Variants in CCDC183 observed in about 807,000 individuals in gnomAD.
CCDC183 encodes the protein coiled-coil domain-containing protein 183.
In CCDC183, 63 loss-of-function variants were observed where a neutral mutation model predicts 65.2. That is an observed-to-expected ratio of 0.97 (90% confidence interval 0.79 to 1.19). CCDC183 has a LOEUF of 1.19. Ranked by LOEUF, CCDC183 falls within the 50% of genes most tolerant of loss-of-function variation. The pLI, the probability that CCDC183 is intolerant of heterozygous loss-of-function variation, is 0.00. For synonymous variants in CCDC183, 323 were observed against 276.5 expected, an observed-to-expected ratio of 1.17 and a Z score of -1.67; for missense variants, 769 against 689.3, an observed-to-expected ratio of 1.12 and a Z score of -1.30.
rs1359346106 is a variant in CCDC183 at position 136,805,373 on chromosome 9, C to G, written c.864C>G (p.Thr288=). The change falls in exon 9 of 14, where the codon ACC becomes ACG. Residue 288 remains threonine (T), a synonymous_variant. Coordinates refer to ENST00000338005, the MANE Select transcript of CCDC183 (RefSeq NM_001039374.5). ...CTCTGCCAGTGAGGAGAAAAGAGAC[C>G]TCCACAGCAGAAATGGAATACCAGT... The part of the protein sequence containing the change: ...TETLKLRRKE[T]STAEMEYQSG... 2.7e-5 allele frequency: 43 copies of G among 1,613,498 alleles called. No homozygotes were observed. The highest frequency in any genetic ancestry group is 4.0e-5 in the African/African-American group (3 of 74,924).
intron 6 of CCDC183, among the ~76,000 whole-genome samples, chr9:136,803,485 G>A (rs535127418): frequency 4.1e-4 from 62 of 152,262 alleles, no homozygotes; most frequent in African/African-American, 1.2e-3. Context: ...GGGCCAGGGC[G>A]GGGGTCACCT....
chr9:136,797,024 T>C (rs1395681887), intron 1 of CCDC183, among the ~76,000 whole-genome samples: 1 of 152,196 alleles, frequency 6.6e-6, no homozygotes, highest in African/African-American at 2.4e-5. Context: ...ATCTGTCTCC[T>C]GCTCGTCCCT....
intron 1 of CCDC183, 86 bp from the exon 2 acceptor site, chr9:136,799,010 TGGGGCC>T: frequency 1.3e-6 from 2 of 1,559,402 alleles, no homozygotes; most frequent in African/African-American, 1.4e-5. Context: ...CCCTGGGGCC[TGGGGCC>T]TCCCTGATGC....
chr9:136,804,417 A>G lies in CCDC183; in HGVS notation c.667-85A>G. The G allele has an allele frequency of 2.0e-6, 3 of 1,510,446 alleles. No individual in the cohort carries two copies. The highest frequency in any genetic ancestry group is 1.3e-5 in the South Asian group (1 of 79,760). The allele number at this position is 1,510,446 out of a possible 1,614,324, so 93.6% of individuals were successfully genotyped here. A position where few individuals can be genotyped will look rare whatever the true frequency, so the allele number is the denominator to read the frequency against. ...AGTTCCAAAGTCTAGTAAGGTGAGCATGGCCAACCGCCCGCTGGCTTTACT... is the reference window on the plus strand; with the variant it reads ...AGTTCCAAAGTCTAGTAAGGTGAGCGTGGCCAACCGCCCGCTGGCTTTACT... On this transcript the variant is annotated intron_variant, in intron 6 of 13. Coordinates refer to ENST00000338005, the MANE Select transcript of CCDC183 (RefSeq NM_001039374.5). The surrounding 1 kb of genome is among the most constrained non-coding windows in gnomAD (Gnocchi z 4.1).
At chr9:136,798,026 G>C (rs979850807) in intron 1 of CCDC183, among the ~76,000 whole-genome samples, 2 of 152,144 alleles carry the variant, frequency 1.3e-5, no homozygotes, top group African/African-American at 4.8e-5. Flanking sequence ...TTTATTTTGA[G>C]ACGCAGTCTC....
chr9:136,797,146 G>A (rs1847660433), intron 1 of CCDC183, among the ~76,000 whole-genome samples: 1 of 152,130 alleles, frequency 6.6e-6, no homozygotes, highest in Non-Finnish European at 1.5e-5. Context: ...ATACTGCTCT[G>A]TTACTCTTTG....
At position 136,805,308 on chromosome 9, in the gene CCDC183, C is replaced by G. The variant is rs368148146; in HGVS notation, c.848-49C>G. The G allele has an allele frequency of 5.4e-6, 8 of 1,489,446 alleles. No homozygotes were observed. In the Admixed American group the frequency reaches 9.4e-5, roughly 17 times the overall value. The allele number at this position is 1,489,446 out of a possible 1,614,324, so 92.3% of individuals were successfully genotyped here. On this transcript the variant is annotated intron_variant, in intron 8 of 13. Transcript: ENST00000338005. ...GGTGTCTGACAGCCTTACACAGAGC[C>G]CCTGAGCCATCCCTGCATGCTGACT...
In CCDC183 at chr9:136,804,433, T is replaced by A. The variant is rs1847805823; in HGVS notation, c.667-69T>A. 4 of 1,552,872 alleles carry A rather than the reference T, an allele frequency of 2.6e-6. 1 individual carries two copies. The South Asian group carries it at 4.7e-5, about 18-fold the overall frequency. Reference sequence around the variant, plus strand: ...AAGGTGAGCATGGCCAACCGCCCGCTGGCTTTACTGCCATTAGGGGCCTTG... The same window carrying A: ...AAGGTGAGCATGGCCAACCGCCCGCAGGCTTTACTGCCATTAGGGGCCTTG... On this transcript the variant is annotated intron_variant, in intron 6 of 13. Coordinates refer to ENST00000338005, the MANE Select transcript of CCDC183 (RefSeq NM_001039374.5). The surrounding 1 kb of genome is among the most constrained non-coding windows in gnomAD (Gnocchi z 4.1).
At position 136,804,467 on chromosome 9, in the gene CCDC183, G is replaced by A. The variant is rs987115436; in HGVS notation, c.667-35G>A. 9.4e-6 allele frequency: 15 copies of A among 1,600,416 alleles called. No individual in the cohort carries two copies. The highest frequency in any genetic ancestry group is 2.7e-5 in the African/African-American group (2 of 74,614). On this transcript the variant is annotated intron_variant, in intron 6 of 13. Coordinates refer to ENST00000338005, the MANE Select transcript of CCDC183 (RefSeq NM_001039374.5). This position sits in a 1 kb window ranked among gnomAD's most constrained non-coding sequence, Gnocchi z 4.1. ...TGCCATTAGGGGCCTTGTTGAGACA[G>A]CTCCCCAACCCTGTGCCCACCCGCA...
At position 136,805,409 on chromosome 9, in the gene CCDC183, T is replaced by C; in HGVS notation, c.900T>C (p.Thr300=). ...AAATGGAATACCAGTCGGGCGTGAC[T>C]GCTGTGGTGGAGAAGGTCAAGAGTG... ...TAEMEYQSGV[T]AVVEKVKSAV... Residue 300 remains threonine (T), a synonymous_variant, in exon 9 of 14, where the codon ACT becomes ACC. Transcript: ENST00000338005. The C allele has an allele frequency of 6.2e-7, 1 of 1,614,060 alleles. No homozygotes were observed. Among genetic ancestry groups the C allele is most frequent in the Non-Finnish European group, 8.5e-7 (1 of 1,179,978 alleles).
In CCDC183 at chr9:136,800,499, C is replaced by T. The variant is rs201719706; in HGVS notation, c.543+6C>T. The T allele has an allele frequency of 2.7e-4, 427 of 1,595,958 alleles. No individual in the cohort carries two copies. Among genetic ancestry groups the T allele is most frequent in the East Asian group, 1.0e-3 (45 of 44,606 alleles). ...TGCTGGATTATCTGAAGACAGTGAG[C>T]CCAGCGGCCCGGGAAGGGCGGGGGT... is the stretch of plus-strand genomic sequence containing the variant. On this transcript the variant is annotated splice_donor_region_variant and intron_variant, in intron 5 of 13. Transcript: ENST00000338005.
At position 136,799,983 on chromosome 9, in the gene CCDC183, G is replaced by A. The variant is rs767050626; in HGVS notation, c.271-19G>A. ...GCCCCCTACGCAACCACGAGTGGGC[G>A]GTGCCCTTCCCGACCCAGGTGGTGC... is the stretch of plus-strand genomic sequence containing the variant. On this transcript the variant is annotated intron_variant, in intron 3 of 13. Transcript: ENST00000338005. The A allele has an allele frequency of 1.3e-6, 2 of 1,575,358 alleles. No individual in the cohort carries two copies. Among genetic ancestry groups the A allele is most frequent in the African/African-American group, 1.3e-5 (1 of 74,452 alleles).
intron 13 of CCDC183, chr9:136,807,318 G>A: frequency 1.6e-6 from 1 of 644,768 alleles, no homozygotes; most frequent in South Asian, 1.9e-5. Flanking sequence ...CGGAGGAGAG[G>A]CACCAGGGCT....
intron 5 of CCDC183, among the ~76,000 whole-genome samples, chr9:136,801,948 C>T (rs992128570): frequency 2.6e-5 from 4 of 151,902 alleles, no homozygotes; most frequent in Admixed American, 6.6e-5. Flanking sequence ...CTACCACGCC[C>T]GGCTGATTTT....
intron 4 of CCDC183, 88 bp downstream of exon 4, chr9:136,800,257 G>A (rs1847717511): frequency 2.1e-6 from 3 of 1,397,532 alleles, no homozygotes; most frequent in Admixed American, 2.1e-5. Flanking sequence ...CGGGACTTGC[G>A]GGTCCCCTGG....
In CCDC183 at chr9:136,807,631, A is replaced by T; in HGVS notation, c.1546A>T (p.Arg516Trp). 1 of 1,605,472 alleles carries T rather than the reference A, an allele frequency of 6.2e-7. No homozygotes were observed. Reference protein sequence around the residue: ...SYVPSRAEIKRQAQRLIEGKL... With the variant: ...SYVPSRAEIKWQAQRLIEGKL... Reference sequence around the variant, plus strand: ...CGTCCCTTCGCGCGCCGAGATCAAGAGGCAGGCGCAGCGGCTAATCGAGGG... The same window carrying T: ...CGTCCCTTCGCGCGCCGAGATCAAGTGGCAGGCGCAGCGGCTAATCGAGGG... The change falls in exon 14 of 14, where the codon AGG (arginine) becomes TGG (tryptophan). Residue 516 changes from arginine to tryptophan, a missense_variant. By Grantham distance (101) the Arg-to-Trp change is moderately radical. Transcript: ENST00000338005.
intron 1 of CCDC183, among the ~76,000 whole-genome samples, chr9:136,796,873 TC>T (rs1260716011): frequency 6.6e-6 from 1 of 151,964 alleles, no homozygotes; most frequent in South Asian, 2.1e-4. Flanking sequence ...GTCCAAGGTT[TC>T]CCCCCACTGA....
Position 136,804,788 on chromosome 9 carries a change from G to C in CCDC183, c.819G>C (p.Ser273=), listed in dbSNP as rs371973312. ...RRGQMDLDFP[S]NLMSTETLKL... is the part of the protein sequence containing the mutation. The stretch of plus-strand genomic sequence containing the variant: ...GCCAGATGGACTTGGACTTCCCCTC[G>C]AACCTGATGAGCACGGAGACCCTGA... The change falls in exon 8 of 14, where the codon TCG becomes TCC. Residue 273 remains serine, a synonymous_variant. Transcript: ENST00000338005. This position sits in a 1 kb window ranked among gnomAD's most constrained non-coding sequence, Gnocchi z 4.1. The C allele has an allele frequency of 3.7e-6, 6 of 1,613,328 alleles. No homozygotes were observed. In the Admixed American group the frequency reaches 5.0e-5, roughly 13 times the overall value.
chr9:136,802,810 G>A (rs1046963700), intron 6 of CCDC183, 24 bp downstream of exon 6: 8 of 1,520,810 alleles, frequency 5.3e-6, no homozygotes, highest in Non-Finnish European at 7.0e-6. Flanking sequence ...CCAGGGCTGG[G>A]GGCCCCCCAG....
Sources: allele counts gnomAD v4.1 joint callset (sites outside exome capture counted in the v4.1 genomes callset), GRCh38; gene constraint gnomAD v4.1.1; non-coding constraint Gnocchi (gnomAD v3.1); transcripts MANE v1.5; gene names NCBI Gene and HGNC (gene_info 2026-07-23, HGNC 2026-07-21).